NOP9: variants seen among roughly 807,000 people sequenced by gnomAD.
NOP9 encodes NOP9 nucleolar protein.
NOP9 carries 50 observed loss-of-function variants against 63.0 expected under a neutral mutation model. The observed-to-expected ratio is 0.79, with a 90% CI of 0.63 to 1.00. The LOEUF (loss-of-function observed/expected upper bound fraction) is 1.00. Among genes scored for constraint, NOP9 ranks in the 50% least tolerant of loss-of-function variants. The probability of loss-of-function intolerance (pLI) is 0.00; values close to 1 mark genes in which losing one functional copy is unlikely to be tolerated. For missense variants in NOP9, 758 were observed against 803.0 expected, an observed-to-expected ratio of 0.94 and a Z score of 0.68; for synonymous variants, 343 against 332.8, an observed-to-expected ratio of 1.03 and a Z score of -0.33.
the NOP9 span, among the ~76,000 whole-genome samples, chr14:24,289,385 C>T: frequency 6.6e-6 from 1 of 152,190 alleles, no homozygotes; most frequent in South Asian, 2.1e-4. Context: ...CCTCAACCTC[C>T]CAAGGACTGA....
At chr14:24,288,442 C>G in the NOP9 span, among the ~76,000 whole-genome samples, 1 of 151,968 alleles carries the variant, frequency 6.6e-6, no homozygotes, top group Admixed American at 6.6e-5. Flanking sequence ...CTCTGCCTTC[C>G]GGGTTCAAGC....
chr14:24,271,253 GCAGAGACCCC>G, the NOP9 span: 4 of 1,168,466 alleles, frequency 3.4e-6, no homozygotes, highest in Non-Finnish European at 4.7e-6. Flanking sequence ...GCGTGCCTGG[GCAGAGACCCC>G]CAGAGTGTAA....
At chr14:24,281,195 C>T in the NOP9 span, among the ~76,000 whole-genome samples, 2 of 152,276 alleles carry the variant, frequency 1.3e-5, no homozygotes, top group Non-Finnish European at 2.9e-5. Flanking sequence ...TCTCTTAGGC[C>T]CCTGAGCGGG....
At chr14:24,292,444 A>G in the NOP9 span, 1 of 1,516,098 alleles carries the variant, frequency 6.6e-7, no homozygotes, top group Admixed American at 1.9e-5. Context: ...CAGGAGCCCC[A>G]AGGTCTCAGC....
Position 24,301,736 on chromosome 14 carries a change from T to A in NOP9, c.808+14T>A. On this transcript the variant is annotated intron_variant, in intron 3 of 9. Transcript: ENST00000267425. ...AGGACATTGCAGGTAAGGAGGGAAG[T>A]AGGAGGATGGTCTCGTATCTACTTG... is the stretch of plus-strand genomic sequence containing the variant. The A allele has an allele frequency of 1.2e-6, 2 of 1,613,212 alleles. No individual in the cohort carries two copies. The highest frequency in any genetic ancestry group is 1.7e-6 in the Non-Finnish European group (2 of 1,179,204).
At chr14:24,303,001 T>C in intron 5 of NOP9, 73 bp from the exon 6 acceptor site, 1 of 1,452,130 alleles carries the variant, frequency 6.9e-7, no homozygotes, top group Non-Finnish European at 9.1e-7. Flanking sequence ...TTGTTTTCGT[T>C]GGGAAGATTT....
At position 24,305,202 on chromosome 14, in the gene NOP9, T is replaced by G. The variant is rs1428786355; in HGVS notation, c.*107T>G. ...GTCAGAAGTCTTAGTGGTAAATATT[T>G]GATATTTTTATTGGAAATGTTTTTG... On this transcript the variant is annotated 3_prime_UTR_variant, in exon 10 of 10. Transcript: ENST00000267425. 1 of 1,149,994 alleles carries G rather than the reference T, an allele frequency of 8.7e-7. No homozygotes were observed. Among genetic ancestry groups the G allele is most frequent in the Non-Finnish European group, 1.2e-6 (1 of 863,556 alleles). 71.2% of individuals were successfully genotyped at this position (1,149,994 alleles called of 1,614,324 possible).
rs750348627 is a variant in NOP9 at position 24,302,233 on chromosome 14, C to T, written c.952C>T (p.Pro318Ser). 6.2e-7 allele frequency: 1 copy of T among 1,611,262 alleles called. No homozygotes were observed. The highest frequency in any genetic ancestry group is 1.3e-5 in the African/African-American group (1 of 75,024). Residue 318 changes from proline (P) to serine (S), a missense_variant and splice_region_variant, in exon 5 of 10, where the codon CCC becomes TCC. By Grantham distance (74) the Pro-to-Ser change is moderately conservative. Transcript: ENST00000267425. ...STRGSSVDGSPLLLFLRDQTS... is the reference protein window; with the variant it reads ...STRGSSVDGSSLLLFLRDQTS... The stretch of plus-strand genomic sequence containing the variant: ...GCCTGATGCCCTTCTTGTCCCTAGT[C>T]CCCTACTGCTATTTCTCCGAGATCA...
upstream of NOP9, chr14:24,296,764 C>T (rs754865649): frequency 2.5e-6 from 4 of 1,614,178 alleles, no homozygotes; most frequent in South Asian, 4.4e-5. Context: ...GCATTGTTGA[C>T]CAGCACATCT....
chr14:24,275,765 C>T, the NOP9 span, among the ~76,000 whole-genome samples: 206 of 152,310 alleles, frequency 1.4e-3, 1 homozygote, highest in African/African-American at 4.7e-3. Flanking sequence ...GAGCTGTCTC[C>T]GGGCCATGTG....
the NOP9 span, chr14:24,291,357 C>A: frequency 9.0e-7 from 1 of 1,114,628 alleles, no homozygotes; most frequent in South Asian, 1.3e-5. Flanking sequence ...GGGCCTTGGA[C>A]TTTTTCCACA....
upstream of NOP9, chr14:24,298,983 C>A: frequency 6.2e-7 from 1 of 1,612,814 alleles, no homozygotes; most frequent in Non-Finnish European, 8.5e-7. Context: ...CGAAGGGTGT[C>A]CAGATGGCGG....
chr14:24,299,709 G>T, upstream of NOP9: 1 of 469,954 alleles, frequency 2.1e-6, no homozygotes. Context: ...GACCCGGGGC[G>T]ATTCTGTGCT....
At chr14:24,303,901 G>C (rs1271262212) in intron 7 of NOP9, 44 bp downstream of exon 7, 1 of 1,606,660 alleles carries the variant, frequency 6.2e-7, no homozygotes. Flanking sequence ...TTGGGAGTCA[G>C]GCCTCCCAGG....
chr14:24,299,979 C>T lies in NOP9; in HGVS notation c.25C>T (p.His9Tyr). 1.3e-6 allele frequency: 2 copies of T among 1,589,200 alleles called. No homozygotes were observed. Among genetic ancestry groups the T allele is most frequent in the Non-Finnish European group, 8.6e-7 (1 of 1,167,596 alleles). MGQGPRSP[H>Y]KVGRRFPAGG... ...CATGGGGCAGGGTCCGCGCTCTCCA[C>T]ACAAGGTGGGGCGCCGGTTCCCAGC... The change falls in exon 1 of 10, where the codon CAC becomes TAC. Residue 9 changes from histidine (H) to tyrosine (Y), a missense_variant. Physicochemically the swap from His to Tyr is moderately conservative, Grantham distance 83 (BLOSUM62 2). Transcript: ENST00000267425.
Position 24,300,116 on chromosome 14 carries a change from C to T in NOP9, c.162C>T (p.His54=), listed in dbSNP as rs561947101. ...GCTCGGAGCCGGCTCCAGATTCGCA[C>T]CCGCACCTGAGCCCGGAAGCTCTGG... ...DGRSEPAPDS[H]PHLSPEALGY... The change falls in exon 1 of 10, where the codon CAC becomes CAT. Residue 54 remains histidine, a synonymous_variant. Coordinates refer to ENST00000267425, the MANE Select transcript of NOP9 (RefSeq NM_174913.3). 2.7e-5 allele frequency: 44 copies of T among 1,613,490 alleles called. No homozygotes were observed. The highest frequency in any genetic ancestry group is 3.3e-5 in the Non-Finnish European group (39 of 1,179,876).
chr14:24,277,184 G>A, the NOP9 span, among the ~76,000 whole-genome samples: 1 of 152,212 alleles, frequency 6.6e-6, no homozygotes, highest in Non-Finnish European at 1.5e-5. Context: ...CTGAGGACTT[G>A]AGAATTTGTG....
At chr14:24,274,612 CT>C in the NOP9 span, among the ~76,000 whole-genome samples, 260 of 141,118 alleles carry the variant, frequency 1.8e-3, 1 homozygote, top group East Asian at 6.1e-3. Context: ...GAGCCACAAT[CT>C]TTTTTTTTTT....
At position 24,307,857 on chromosome 14, in the gene NOP9, A is replaced by T. The variant is rs763699430; in HGVS notation, c.*2762A>T. On this transcript the variant is annotated 3_prime_UTR_variant, in exon 10 of 10. Coordinates refer to ENST00000267425, the MANE Select transcript of NOP9 (RefSeq NM_174913.3). ...GGGGTTCAGAGCTGAGAGGTACTCC[A>T]TGGTGGACCGGAGAGTTCCTTCCCT... 6.3e-7 allele frequency: 1 copy of T among 1,590,896 alleles called. No homozygotes were observed. The highest frequency in any genetic ancestry group is 1.3e-5 in the African/African-American group (1 of 74,636).
Sources: gnomAD v4.1 joint callset for allele counts (sites outside exome capture counted in the v4.1 genomes callset) on GRCh38, gnomAD v4.1.1 for gene constraint, MANE v1.5 for transcripts, NCBI Gene and HGNC (gene_info 2026-07-23, HGNC 2026-07-21) for gene names.